The following CAMK2A variants were observed in gnomAD, a reference collection of about 807,000 sequenced individuals.
The protein encoded by CAMK2A is calcium/calmodulin dependent protein kinase II alpha, also known as calcium/calmodulin-dependent protein kinase type II subunit alpha.
A neutral mutation model predicts 79.2 loss-of-function variants in CAMK2A; 7 were observed. That is an observed-to-expected ratio of 0.09 (90% CI 0.05 to 0.17). The LOEUF (loss-of-function observed/expected upper bound fraction) is 0.17, where lower values mean the gene tolerates loss of function less well. Ranked by LOEUF, CAMK2A falls within the 10% of genes least tolerant of loss-of-function variation. CAMK2A has a pLI of 1.00. For missense variants in CAMK2A, 214 were observed against 646.4 expected, an observed-to-expected ratio of 0.33 and a Z score of 7.25; for synonymous variants, 242 against 251.7, an observed-to-expected ratio of 0.96 and a Z score of 0.36.
At chr5:150,224,790 T>C (rs751943202) in intron 17 of CAMK2A, among the ~76,000 whole-genome samples, 2 of 152,002 alleles carry the variant, frequency 1.3e-5, no homozygotes, top group Non-Finnish European at 2.9e-5. Flanking sequence ...TCCACAGATA[T>C]GCAAACTCAG....
chr5:150,249,429 C>T (rs1025806089), intron 11 of CAMK2A, among the ~76,000 whole-genome samples: 6 of 152,258 alleles, frequency 3.9e-5, no homozygotes, highest in African/African-American at 1.4e-4. Context: ...AGTCATGTCT[C>T]ACCCCCAAAA....
intron 17 of CAMK2A, among the ~76,000 whole-genome samples, chr5:150,225,903 C>T (rs1490864378): frequency 6.6e-6 from 1 of 152,072 alleles, no homozygotes; most frequent in Non-Finnish European, 1.5e-5. Context: ...CACCACCATA[C>T]CTGGCTAATT....
At chr5:150,261,418 T>C (rs1250595767) in intron 3 of CAMK2A, among the ~76,000 whole-genome samples, 3 of 152,208 alleles carry the variant, frequency 2.0e-5, no homozygotes, top group East Asian at 1.9e-4. Context: ...TCAAGGGCCA[T>C]AGGCTATCAT....
intron 1 of CAMK2A, among the ~76,000 whole-genome samples, chr5:150,285,946 C>T (rs112299210): frequency 1.3e-5 from 2 of 152,128 alleles, no homozygotes; most frequent in African/African-American, 4.8e-5. Context: ...TTGAACGTGA[C>T]CCCTTCCCTG....
In CAMK2A at chr5:150,223,945, C is replaced by G. The variant is rs1274459416; in HGVS notation, c.1238-728G>C. On this transcript the variant is annotated intron_variant, in intron 17 of 18. Transcript: ENST00000671881. The surrounding 1 kb of genome is among the most constrained non-coding windows in gnomAD (Gnocchi z 4.1). The stretch of plus-strand genomic sequence containing the variant: ...ATCTACTTCTACTGTATATCTACTT[C>G]TACTGTAGATATACAGAATTGTGGA... Among the ~76,000 whole-genome samples the G allele has an allele frequency of 6.6e-6, 1 of 152,156 alleles. No individual in the cohort carries two copies. The highest frequency in any genetic ancestry group is 1.9e-4 in the East Asian group (1 of 5,198).
At chr5:150,231,410 TA>T (rs1754834610) in intron 15 of CAMK2A, 30 bp from the exon 16 acceptor site, 1 of 236,332 alleles carries the variant, frequency 4.2e-6, no homozygotes, top group African/African-American at 6.0e-5. Flanking sequence ...ACAGAAATAA[TA>T]ATAATAATAA....
At position 150,273,114 on chromosome 5, in the gene CAMK2A, G is replaced by T; in HGVS notation, c.108C>A (p.Gly36=). The change falls in exon 2 of 19, where the codon GGC becomes GGA. Residue 36 remains glycine (G), a synonymous_variant. Coordinates refer to ENST00000671881, the MANE Select transcript of CAMK2A (RefSeq NM_015981.4). The part of the protein sequence containing the change: ...VVRRCVKVLA[G]QEYAAKIINT... ...TGATGATCTTGGCAGCATACTCCTG[G>T]CCAGCCAGCACCTTCACACACCTTC... The T allele has an allele frequency of 1.2e-6, 2 of 1,613,818 alleles. No homozygotes were observed. The highest frequency in any genetic ancestry group is 1.7e-6 in the Non-Finnish European group (2 of 1,179,966).
At chr5:150,281,477 G>A (rs965809501) in intron 1 of CAMK2A, among the ~76,000 whole-genome samples, 1 of 152,220 alleles carries the variant, frequency 6.6e-6, no homozygotes, top group Non-Finnish European at 1.5e-5. Context: ...ACATGTGGCT[G>A]CATCAGAACC....
Position 150,251,734 on chromosome 5 carries a change from G to A in CAMK2A, c.693+16C>T. 1 of 1,571,954 alleles carries A rather than the reference G, an allele frequency of 6.4e-7. No homozygotes were observed. The highest frequency in any genetic ancestry group is 8.6e-7 in the Non-Finnish European group (1 of 1,157,442). On this transcript the variant is annotated intron_variant, in intron 9 of 18. Transcript: ENST00000671881. ...ACCAGAGGATGATGGGAGCTGAAGA[G>A]AGGAGCGACACTCACATCATAGGCG...
chr5:150,286,678 G>A (rs1757437428), intron 1 of CAMK2A, among the ~76,000 whole-genome samples: 1 of 152,182 alleles, frequency 6.6e-6, no homozygotes, highest in Non-Finnish European at 1.5e-5. Flanking sequence ...CAGGGACGGT[G>A]GATCATCAAT....
At position 150,223,309 on chromosome 5, in the gene CAMK2A, A is replaced by G; in HGVS notation, c.1238-92T>C. On this transcript the variant is annotated intron_variant, in intron 17 of 18. Coordinates refer to ENST00000671881, the MANE Select transcript of CAMK2A (RefSeq NM_015981.4). This position sits in a 1 kb window ranked among gnomAD's most constrained non-coding sequence, Gnocchi z 4.1. ...TTCTCCACTCCCAGCAGCCCTCTCAATGGAGGCGCCCTGCCTGACTCATTT... is the reference window on the plus strand; with the variant it reads ...TTCTCCACTCCCAGCAGCCCTCTCAGTGGAGGCGCCCTGCCTGACTCATTT... The G allele has an allele frequency of 9.7e-7, 1 of 1,034,478 alleles. No individual in the cohort carries two copies. Among genetic ancestry groups the G allele is most frequent in the Non-Finnish European group, 1.4e-6 (1 of 698,934 alleles). 64.1% of individuals were successfully genotyped at this position (1,034,478 alleles called of 1,614,324 possible).
At chr5:150,262,911 A>G (rs1195771739) in intron 3 of CAMK2A, among the ~76,000 whole-genome samples, 2 of 152,134 alleles carry the variant, frequency 1.3e-5, no homozygotes, top group African/African-American at 4.8e-5. Context: ...CATGTTATAT[A>G]TAATATAGTG....
chr5:150,238,394 G>C (rs1329015340), intron 15 of CAMK2A: 1 of 246,236 alleles, frequency 4.1e-6, no homozygotes, highest in Non-Finnish European at 8.0e-6. Context: ...AGAGGTTGCA[G>C]TGAGCCGAGA....
At chr5:150,264,886 C>A in intron 3 of CAMK2A, 70 bp downstream of exon 3, 1 of 1,236,844 alleles carries the variant, frequency 8.1e-7, no homozygotes. Context: ...CCCGCAAACA[C>A]CCACGTGCCA....
chr5:150,289,501 C>T lies in CAMK2A; in HGVS notation c.62+63G>A, dbSNP rs1757573999. 7 of 1,275,858 alleles carry T rather than the reference C, an allele frequency of 5.5e-6. 1 individual carries two copies. The Middle Eastern group carries it at 1.1e-3, about 202-fold the overall frequency. 79.0% of individuals were successfully genotyped at this position (1,275,858 alleles called of 1,614,324 possible). A position where few individuals can be genotyped will look rare whatever the true frequency, so the allele number is the denominator to read the frequency against. ...CCCAAGCACTGCAGGCACACACACCCCACTAGAGACCCTGACCTCCCCGCC... is the reference window on the plus strand; with the variant it reads ...CCCAAGCACTGCAGGCACACACACCTCACTAGAGACCCTGACCTCCCCGCC... On this transcript the variant is annotated intron_variant, in intron 1 of 18. Coordinates refer to ENST00000671881, the MANE Select transcript of CAMK2A (RefSeq NM_015981.4).
rs572339404 is a variant in CAMK2A at position 150,289,747 on chromosome 5, G to A, written c.-122C>T. 49 of 726,768 alleles carry A rather than the reference G, an allele frequency of 6.7e-5. No individual in the cohort carries two copies. Among genetic ancestry groups the A allele is most frequent in the African/African-American group, 1.9e-4 (11 of 57,374 alleles). 45.0% of individuals were successfully genotyped at this position (726,768 alleles called of 1,614,324 possible). A position where few individuals can be genotyped will look rare whatever the true frequency, so the allele number is the denominator to read the frequency against. On this transcript the variant is annotated 5_prime_UTR_variant, in exon 1 of 19. Transcript: ENST00000671881. ...TGCTGCCGAGTGCAAACAGAGAACC[G>A]GTTTGACTGACGAGCCCGGGGCTTC...
chr5:150,265,373 C>T (rs149011922), intron 2 of CAMK2A: 206 of 230,982 alleles, frequency 8.9e-4, no homozygotes, highest in African/African-American at 4.3e-3. Flanking sequence ...GCTGGGCCCT[C>T]TCACTTCAGG....
intron 1 of CAMK2A, among the ~76,000 whole-genome samples, chr5:150,275,923 C>G (rs1356237202): frequency 6.6e-6 from 1 of 152,152 alleles, no homozygotes; most frequent in Non-Finnish European, 1.5e-5. Context: ...CCCCCCTCCC[C>G]TCCCTGAGAA....
At position 150,289,566 on chromosome 5, in the gene CAMK2A, G is replaced by T. The variant is rs760077353; in HGVS notation, c.60C>A (p.Gly20=). The T allele has an allele frequency of 1.9e-6, 3 of 1,613,454 alleles. No homozygotes were observed. In the South Asian group the frequency reaches 3.3e-5, roughly 18 times the overall value. ...TEEYQLFEEL[G]KGAFSVVRRC... is the part of the protein sequence containing the mutation. ...GGACTTCCTGAGGCACAACTCACTT[G>T]CCCAATTCCTCGAAGAGCTGGTACT... The change falls in exon 1 of 19, where the codon GGC becomes GGA. Residue 20 remains glycine (G), a splice_region_variant and synonymous_variant. Coordinates refer to ENST00000671881, the MANE Select transcript of CAMK2A (RefSeq NM_015981.4).
Sources: allele counts gnomAD v4.1 joint callset (sites outside exome capture counted in the v4.1 genomes callset), GRCh38; gene constraint gnomAD v4.1.1; non-coding constraint Gnocchi (gnomAD v3.1); transcripts MANE v1.5; gene names NCBI Gene and HGNC (gene_info 2026-07-23, HGNC 2026-07-21).